CLYBL: variants seen among roughly 807,000 people sequenced by gnomAD.
CLYBL encodes citramalyl-CoA lyase, also known as citramalyl-CoA lyase, mitochondrial.
Under a neutral mutation model 38.9 loss-of-function variants are expected in CLYBL, and 31 were observed. That is an observed-to-expected ratio of 0.80 (90% CI 0.60 to 1.08). The LOEUF (loss-of-function observed/expected upper bound fraction) is 1.08. CLYBL is among the 50% of genes least tolerant of loss of function. The pLI is 0.00. For missense variants in CLYBL, 434 were observed against 411.6 expected, an observed-to-expected ratio of 1.05 and a Z score of -0.47; for synonymous variants, 171 against 158.6, an observed-to-expected ratio of 1.08 and a Z score of -0.59.
intron 1 of CLYBL, among the ~76,000 whole-genome samples, chr13:99,680,811 GA>G (rs1421173849): frequency 6.6e-6 from 1 of 152,212 alleles, no homozygotes; most frequent in Non-Finnish European, 1.5e-5. Context: ...CCTTAGGACA[GA>G]CCACTGGGTT....
intron 2 of CLYBL, among the ~76,000 whole-genome samples, 171 bp downstream of exon 2, chr13:99,773,181 C>G (rs2049436465): frequency 6.6e-6 from 1 of 152,164 alleles, no homozygotes; most frequent in Non-Finnish European, 1.5e-5. Flanking sequence ...TCTCTTTTCT[C>G]TGAGAGAAAG....
At chr13:99,904,921 G>GC (rs998239013) in intron 8 of CLYBL, among the ~76,000 whole-genome samples, 3 of 152,216 alleles carry the variant, frequency 2.0e-5, no homozygotes, top group African/African-American at 7.2e-5. Context: ...TGGGAGCTCA[G>GC]CGGGCTTTGA....
At chr13:99,823,751 C>G (rs1418157916) in intron 2 of CLYBL, among the ~76,000 whole-genome samples, 1 of 152,122 alleles carries the variant, frequency 6.6e-6, no homozygotes, top group African/African-American at 2.4e-5. Flanking sequence ...ATCACTAATT[C>G]AATACTGGAC....
chr13:99,758,583 G>A (rs2049108403), intron 1 of CLYBL, among the ~76,000 whole-genome samples: 2 of 150,692 alleles, frequency 1.3e-5, no homozygotes, highest in South Asian at 4.1e-4. Flanking sequence ...GCTGGGGATG[G>A]GGGAAGGAGA....
chr13:99,693,722 G>A (rs1396442813), intron 1 of CLYBL, among the ~76,000 whole-genome samples: 1 of 152,140 alleles, frequency 6.6e-6, no homozygotes, highest in African/African-American at 2.4e-5. Context: ...AGGGGGATTT[G>A]GACAAGGAGG....
chr13:99,616,143 CTTTTTTTTTT>C (rs34142988), intron 1 of CLYBL, among the ~76,000 whole-genome samples: 1 of 83,842 alleles, frequency 1.2e-5, no homozygotes, highest in Non-Finnish European at 2.1e-5. Flanking sequence ...CCACGCCTGG[CTTTTTTTTTT>C]TTTTTTTTTT....
chr13:99,816,938 A>T (rs980022035), intron 2 of CLYBL, among the ~76,000 whole-genome samples: 7 of 152,158 alleles, frequency 4.6e-5, no homozygotes, highest in African/African-American at 1.7e-4. Context: ...TGCGCTGCGG[A>T]TAGGGTTTTA....
At chr13:99,888,386 A>ACAGGAACTGTTCCTAGC (rs1334834598) in intron 7 of CLYBL, among the ~76,000 whole-genome samples, 1 of 152,230 alleles carries the variant, frequency 6.6e-6, no homozygotes, top group East Asian at 1.9e-4. Flanking sequence ...GTGCCAGGCA[A>ACAGGAACTGTTCCTAGC]CAGGCCCCAG....
intron 1 of CLYBL, among the ~76,000 whole-genome samples, chr13:99,744,224 G>A (rs558074483): frequency 2.0e-5 from 3 of 152,008 alleles, no homozygotes; most frequent in Non-Finnish European, 4.4e-5. Context: ...CACCTGCCTC[G>A]CCCTCCCAAA....
chr13:99,768,057 C>G (rs1274411887), intron 1 of CLYBL, among the ~76,000 whole-genome samples: 1 of 151,980 alleles, frequency 6.6e-6, no homozygotes, highest in East Asian at 1.9e-4. Flanking sequence ...AGTGTGGTAT[C>G]TAGAAATCAG....
At position 99,869,036 on chromosome 13, in the gene CLYBL, C is replaced by T. The variant is rs2051821630; in HGVS notation, c.803-1902C>T. Among the ~76,000 whole-genome samples the T allele has an allele frequency of 6.6e-6, 1 of 152,146 alleles. No homozygotes were observed. Among genetic ancestry groups the T allele is most frequent in the African/African-American group, 2.4e-5 (1 of 41,436 alleles). Reference sequence around the variant, plus strand: ...TCTCAGTAACTTGTCAATAACAACTCTTTTGTATAAAATATTTGCCTGGTT... The same window carrying T: ...TCTCAGTAACTTGTCAATAACAACTTTTTTGTATAAAATATTTGCCTGGTT... On this transcript the variant is annotated intron_variant, in intron 6 of 8. Coordinates refer to ENST00000339105, the MANE Select transcript of CLYBL (RefSeq NM_206808.5). The surrounding 1 kb of genome is among the most constrained non-coding windows in gnomAD (Gnocchi z 4.3).
intron 2 of CLYBL, among the ~76,000 whole-genome samples, chr13:99,858,465 T>G (rs1218070099): frequency 6.6e-6 from 1 of 152,240 alleles, no homozygotes; most frequent in Non-Finnish European, 1.5e-5. Context: ...AGCCAATTTC[T>G]TATGTTTATT....
chr13:99,879,868 G>A (rs1311392525), intron 7 of CLYBL, among the ~76,000 whole-genome samples: 1 of 152,026 alleles, frequency 6.6e-6, no homozygotes, highest in Admixed American at 6.6e-5. Flanking sequence ...AGCAATGGTG[G>A]TAGCAGTAAC....
intron 1 of CLYBL, among the ~76,000 whole-genome samples, chr13:99,691,718 A>G (rs551997044): frequency 6.6e-6 from 1 of 152,362 alleles, no homozygotes; most frequent in East Asian, 1.9e-4. Context: ...AGCTCCTCAT[A>G]AGCTAATAGC....
intron 2 of CLYBL, among the ~76,000 whole-genome samples, chr13:99,818,446 AACACACACACACACAC>A (rs57249330): frequency 1.3e-4 from 19 of 143,324 alleles, no homozygotes; most frequent in Non-Finnish European, 2.0e-4. Context: ...TGGAGCAGAA[AACACACACACACACAC>A]ACACACACAC....
At chr13:99,650,397 G>A (rs1374266340) in intron 1 of CLYBL, among the ~76,000 whole-genome samples, 1 of 152,182 alleles carries the variant, frequency 6.6e-6, no homozygotes, top group Non-Finnish European at 1.5e-5. Context: ...ACTCCAGCCT[G>A]GGTGACAGAA....
chr13:99,871,181 A>G (rs1594236042), intron 7 of CLYBL, 119 bp downstream of exon 7: 2 of 1,179,812 alleles, frequency 1.7e-6, no homozygotes, highest in Non-Finnish European at 2.5e-6. Context: ...GAGGGGGGAA[A>G]GGGAGGGAAC....
At chr13:99,863,126 ATTTT>A (rs1025728424) in intron 4 of CLYBL, 34 bp downstream of exon 4, 1 of 1,144,644 alleles carries the variant, frequency 8.7e-7, no homozygotes, top group Non-Finnish European at 1.3e-6. Context: ...ATAAGTTAGC[ATTTT>A]ATTTATCACC....
chr13:99,827,527 C>T (rs1167375552), intron 2 of CLYBL, among the ~76,000 whole-genome samples: 1 of 152,180 alleles, frequency 6.6e-6, no homozygotes, highest in Admixed American at 6.5e-5. Flanking sequence ...TGGACAGGAC[C>T]TCCCCTTAGG....
Sources: gnomAD v4.1 joint callset for allele counts (sites outside exome capture counted in the v4.1 genomes callset) on GRCh38, gnomAD v4.1.1 for gene constraint, Gnocchi (gnomAD v3.1) non-coding constraint, MANE v1.5 for transcripts, NCBI Gene and HGNC (gene_info 2026-07-23, HGNC 2026-07-21) for gene names.